The following MYOM1 variants were observed in gnomAD, a reference collection of about 807,000 sequenced individuals.
The protein encoded by MYOM1 is myomesin 1, also known as myomesin-1.
MYOM1 carries 164 observed loss-of-function variants against 205.3 expected under a neutral mutation model. That is an observed-to-expected ratio of 0.80 (90% CI 0.70 to 0.91). The LOEUF (loss-of-function observed/expected upper bound fraction) is 0.91, where lower values mean the gene tolerates loss of function less well. MYOM1 is among the 40% of genes least tolerant of loss of function. The pLI, the probability that MYOM1 is intolerant of heterozygous loss-of-function variation, is 0.00. For synonymous variants in MYOM1, 772 were observed against 789.4 expected (o/e 0.98, Z 0.37); for missense variants, 2,011 against 2,127.3 (o/e 0.95, Z 1.08).
the MYOM1 span, among the ~76,000 whole-genome samples, chr18:3,232,780 T>C: frequency 1.0e-3 from 154 of 152,320 alleles, 1 homozygote; most frequent in African/African-American, 3.6e-3. Flanking sequence ...TATATGTTTA[T>C]ATTTTTCAGT....
the MYOM1 span, among the ~76,000 whole-genome samples, chr18:3,232,629 T>C: frequency 9.2e-5 from 14 of 152,220 alleles, no homozygotes; most frequent in Non-Finnish European, 1.3e-4. Context: ...TAATAATACA[T>C]TAGTTAAAGC....
intron 8 of MYOM1, 85 bp from the exon 9 acceptor site, chr18:3,169,066 T>G: frequency 1.0e-6 from 1 of 1,001,752 alleles, no homozygotes; most frequent in Admixed American, 3.4e-5. Context: ...CAGAAAGCAG[T>G]CACAGCAAAA....
intron 2 of MYOM1, among the ~76,000 whole-genome samples, chr18:3,205,812 C>A (rs1239258292): frequency 6.6e-6 from 1 of 152,118 alleles, no homozygotes; most frequent in African/African-American, 2.4e-5. Flanking sequence ...CCACTGAAAT[C>A]CTCACGGGTT....
At chr18:3,246,515 A>G in the MYOM1 span, 3 of 152,192 alleles carry the variant, frequency 2.0e-5, no homozygotes, top group African/African-American at 7.2e-5. Context: ...GTGGAACTGG[A>G]GCAGTTATTT....
In MYOM1 at chr18:3,215,159, A is replaced by C. The variant is rs113162857; in HGVS notation, c.65T>G (p.Val22Gly). Residue 22 changes from valine to glycine, a missense_variant, in exon 2 of 38, where the codon GTG becomes GGG. Val to Gly is a moderately radical substitution (Grantham distance 109). Coordinates refer to ENST00000356443, the MANE Select transcript of MYOM1 (RefSeq NM_003803.4). ...CTGGTAGTGACTCACGGTGCTGCGC[A>C]CGTCCTTGTTGCGGTAGCTGAGATC... ...HYDLSYRNKD[V>G]RSTVSHYQRE... The C allele has an allele frequency of 2.6e-4, 425 of 1,613,658 alleles. 1 individual carries two copies. Among genetic ancestry groups the C allele is most frequent in the Non-Finnish European group, 3.1e-4 (365 of 1,179,834 alleles).
chr18:3,130,576 T>C (rs1269135246), intron 17 of MYOM1, among the ~76,000 whole-genome samples: 1 of 152,118 alleles, frequency 6.6e-6, no homozygotes, highest in Non-Finnish European at 1.5e-5. Context: ...CTCAGCCTTC[T>C]GAATAGCTGG....
intron 3 of MYOM1, among the ~76,000 whole-genome samples, chr18:3,193,025 T>C (rs1453592120): frequency 6.6e-6 from 1 of 151,968 alleles, no homozygotes; most frequent in African/African-American, 2.4e-5. Flanking sequence ...TTCCAGCACT[T>C]TGGGAGGCCA....
intron 3 of MYOM1, among the ~76,000 whole-genome samples, chr18:3,193,361 T>TAC (rs58632082): frequency 2.9e-3 from 391 of 135,902 alleles, no homozygotes; most frequent in African/African-American, 3.6e-3. Context: ...TATATATATA[T>TAC]ACACACACAC....
chr18:3,182,657 GT>G (rs2080752717), intron 5 of MYOM1, among the ~76,000 whole-genome samples: 1 of 151,994 alleles, frequency 6.6e-6, no homozygotes, highest in Non-Finnish European at 1.5e-5. Context: ...CTTTTCTTGG[GT>G]TCTTCCATAT....
At chr18:3,104,477 C>A (rs2079424100) in intron 22 of MYOM1, among the ~76,000 whole-genome samples, 1 of 150,854 alleles carries the variant, frequency 6.6e-6, no homozygotes, top group South Asian at 2.1e-4. Flanking sequence ...GACAAGTGTA[C>A]AACAAAAATA....
intron 5 of MYOM1, among the ~76,000 whole-genome samples, chr18:3,176,709 C>T (rs917460438): frequency 6.6e-6 from 1 of 151,150 alleles, no homozygotes; most frequent in African/African-American, 2.4e-5. Context: ...GGTGAAATAC[C>T]ATCTCTACTA....
Position 3,164,339 on chromosome 18 carries a change from A to G in MYOM1, c.1440T>C (p.Tyr480=), listed in dbSNP as rs1303194414. 9 of 1,612,632 alleles carry G rather than the reference A, an allele frequency of 5.6e-6. No individual in the cohort carries two copies. Among genetic ancestry groups the G allele is most frequent in the African/African-American group, 1.3e-5 (1 of 74,946 alleles). Residue 480 remains tyrosine, a synonymous_variant, in exon 10 of 38, where the codon TAT becomes TAC. Transcript: ENST00000356443. The part of the protein sequence containing the change: ...SHLNKEDEGL[Y]TIRVRMGEYY... Reference sequence around the variant, plus strand: ...ATTCTCCCATCCGTACACGGATTGTATAGAGGCCTTCATCTTCTTTGTTGA... The same window carrying G: ...ATTCTCCCATCCGTACACGGATTGTGTAGAGGCCTTCATCTTCTTTGTTGA...
At chr18:3,241,520 T>C in the MYOM1 span, among the ~76,000 whole-genome samples, 1 of 152,166 alleles carries the variant, frequency 6.6e-6, no homozygotes, top group South Asian at 2.1e-4. Context: ...TCAGAGGTTG[T>C]ATGGAAACAC....
chr18:3,067,431 T>C lies in MYOM1; in HGVS notation c.4889A>G (p.Tyr1630Cys). Residue 1630 changes from tyrosine to cysteine, a missense_variant, in exon 38 of 38, where the codon TAC becomes TGC. Tyr to Cys is a radical substitution (Grantham distance 194, BLOSUM62 -2). Transcript: ENST00000356443. ...NLKFEAGRTA[Y>C]FTINGVSTAD... ...GGTGCTCACGCCGTTGATGGTGAAG[T>C]ACGCGGTCCTCCCAGCCTCGAACTT... 6.2e-7 allele frequency: 1 copy of C among 1,613,696 alleles called. No homozygotes were observed. The highest frequency in any genetic ancestry group is 1.7e-5 in the Admixed American group (1 of 60,028).
At chr18:3,177,955 G>A (rs114601345) in intron 5 of MYOM1, among the ~76,000 whole-genome samples, 1,710 of 152,242 alleles carry the variant, frequency 0.011, 42 homozygotes, top group African/African-American at 0.039. Flanking sequence ...CACAGCCCTC[G>A]GAGAGTGGAC....
At chr18:3,131,317 C>T in intron 17 of MYOM1, 58 bp downstream of exon 17, 1 of 1,593,060 alleles carries the variant, frequency 6.3e-7, no homozygotes, top group Non-Finnish European at 8.6e-7. Context: ...ATGGTATCTT[C>T]CTTTCTAACA....
chr18:3,203,728 C>CTT (rs57414934), intron 2 of MYOM1, among the ~76,000 whole-genome samples: 107 of 145,210 alleles, frequency 7.4e-4, no homozygotes, highest in Non-Finnish European at 1.2e-3. Context: ...AATCATTTCT[C>CTT]TTTTTTTTTT....
Position 3,187,482 on chromosome 18 carries a change from C to CG in MYOM1, c.926dup (p.Trp310ValfsTer3), listed in dbSNP as rs1567957324. Reference sequence around the variant, plus strand: ...TAGCTTTCATAAAGATAACATACCACGTGACACGAGGTTCTGGCCAGCCTG... The same window carrying CG: ...TAGCTTTCATAAAGATAACATACCACGGTGACACGAGGTTCTGGCCAGCCTG... On this transcript the variant is annotated frameshift_variant, in exon 5 of 38. Transcript: ENST00000356443. LOFTEE classifies it high-confidence loss of function. 7 of 1,613,148 alleles carry CG rather than the reference C, an allele frequency of 4.3e-6. No individual in the cohort carries two copies. Among genetic ancestry groups the CG allele is most frequent in the Non-Finnish European group, 5.1e-6 (6 of 1,179,382 alleles).
chr18:3,129,051 T>G lies in MYOM1; in HGVS notation c.2794+181A>C, dbSNP rs76145157. On this transcript the variant is annotated intron_variant, in intron 18 of 37. Coordinates refer to ENST00000356443, the MANE Select transcript of MYOM1 (RefSeq NM_003803.4). ...AAATGATGTGTACAAGCCAAACCCA[T>G]AGACAATTACTTTTCCAAGTCATCA... 3.0e-3 allele frequency among the ~76,000 whole-genome samples: 459 copies of G among 152,278 alleles called. 14 individuals are homozygous for G. The East Asian group carries it at 0.071, about 23-fold the overall frequency.
Sources: gnomAD v4.1 joint callset for allele counts (sites outside exome capture counted in the v4.1 genomes callset) on GRCh38, gnomAD v4.1.1 for gene constraint, MANE v1.5 for transcripts, NCBI Gene and HGNC (gene_info 2026-07-23, HGNC 2026-07-21) for gene names.